NTNG2: variants seen among roughly 807,000 people sequenced by gnomAD.
NTNG2 encodes the protein netrin-G2.
Under a neutral mutation model 47.6 loss-of-function variants are expected in NTNG2, and 15 were observed. That is an observed-to-expected ratio of 0.32 (90% confidence interval 0.21 to 0.49). The LOEUF is 0.49. Ranked by LOEUF, NTNG2 falls within the 20% of genes least tolerant of loss-of-function variation. The pLI, the probability that NTNG2 is intolerant of heterozygous loss-of-function variation, is 0.99. For missense variants in NTNG2, 578 were observed against 764.6 expected, an observed-to-expected ratio of 0.76 and a Z score of 2.88; for synonymous variants, 307 against 324.6, an observed-to-expected ratio of 0.95 and a Z score of 0.58.
At chr9:132,225,837 C>T (rs74884392) in intron 3 of NTNG2, among the ~76,000 whole-genome samples, 3,447 of 152,272 alleles carry the variant, frequency 0.023, 132 homozygotes, top group African/African-American at 0.078. Flanking sequence ...CTCCACGCAA[C>T]TCATCTGTTG....
intron 3 of NTNG2, among the ~76,000 whole-genome samples, chr9:132,203,877 A>G (rs1838970787): frequency 6.6e-6 from 1 of 152,206 alleles, no homozygotes; most frequent in Admixed American, 6.5e-5. Flanking sequence ...CCAGGAAGGC[A>G]GCCCAGCGGG....
chr9:132,231,455 C>T lies in NTNG2; in HGVS notation c.1054+860C>T. 1 of 400,404 alleles carries T rather than the reference C, an allele frequency of 2.5e-6. No individual in the cohort carries two copies. Among genetic ancestry groups the T allele is most frequent in the Non-Finnish European group, 5.0e-6 (1 of 199,972 alleles). 24.8% of individuals were successfully genotyped at this position (400,404 alleles called of 1,614,324 possible). ...ACCAGGGCTCTGTGGGGCCCCACAT[C>T]CCACCCAAGTTGTCCCTCCCGGACC... is the stretch of plus-strand genomic sequence containing the variant. On this transcript the variant is annotated intron_variant, in intron 5 of 7. Coordinates refer to ENST00000393229, the MANE Select transcript of NTNG2 (RefSeq NM_032536.4). The surrounding 1 kb of genome is among the most constrained non-coding windows in gnomAD (Gnocchi z 4.1).
chr9:132,207,426 C>T (rs1420174856), intron 3 of NTNG2, among the ~76,000 whole-genome samples: 3 of 152,208 alleles, frequency 2.0e-5, no homozygotes, highest in Non-Finnish European at 2.9e-5. Context: ...TGCGTCACTC[C>T]AGTCTCTGCC....
rs1838418694 is a variant in NTNG2, at chr9:132,197,720, G to T, written c.214-246G>T. 6.6e-6 allele frequency among the ~76,000 whole-genome samples: 1 copy of T among 152,178 alleles called. No homozygotes were observed. The highest frequency in any genetic ancestry group is 2.4e-5 in the African/African-American group (1 of 41,434). On this transcript the variant is annotated intron_variant, in intron 2 of 7. Transcript: ENST00000393229. The surrounding 1 kb of genome is among the most constrained non-coding windows in gnomAD (Gnocchi z 4.3). ...CAGGGGACTAACACCCAGCCTTCTT[G>T]GTTGTCTGTATTTAGAGCAAGGACA...
chr9:132,235,483 T>A (rs1841553885), intron 5 of NTNG2, among the ~76,000 whole-genome samples: 1 of 151,942 alleles, frequency 6.6e-6, no homozygotes, highest in Non-Finnish European at 1.5e-5. Flanking sequence ...GCCTATGTAG[T>A]AGATTTGGAC....
chr9:132,226,958 T>A lies in NTNG2; in HGVS notation c.967T>A (p.Phe323Ile). 6.2e-7 allele frequency: 1 copy of A among 1,612,276 alleles called. No homozygotes were observed. Among genetic ancestry groups the A allele is most frequent in the East Asian group, 2.2e-5 (1 of 44,814 alleles). The part of the protein sequence containing the change: ...GPDCGKCKKN[F>I]RTRSWRAGSY... ...CGACTGCGGCAAGTGCAAGAAGAAT[T>A]TCCGCACCCGGTCCTGGCGGGCCGG... is the stretch of plus-strand genomic sequence containing the variant. Residue 323 changes from phenylalanine to isoleucine, a missense_variant, in exon 4 of 8, where the codon TTC becomes ATC. By Grantham distance (21) the Phe-to-Ile change is conservative. Coordinates refer to ENST00000393229, the MANE Select transcript of NTNG2 (RefSeq NM_032536.4). This position sits in a 1 kb window ranked among gnomAD's most constrained non-coding sequence, Gnocchi z 4.8.
chr9:132,224,434 T>TA (rs1322863992), intron 3 of NTNG2, among the ~76,000 whole-genome samples: 1 of 152,110 alleles, frequency 6.6e-6, no homozygotes, highest in Non-Finnish European at 1.5e-5. Context: ...TTCACCGCCC[T>TA]AAAAATCCCT....
At position 132,236,681 on chromosome 9, in the gene NTNG2, C is replaced by T. The variant is rs959620094; in HGVS notation, c.1055-2423C>T. On this transcript the variant is annotated intron_variant, in intron 5 of 7. Coordinates refer to ENST00000393229, the MANE Select transcript of NTNG2 (RefSeq NM_032536.4). The surrounding 1 kb of genome is among the most constrained non-coding windows in gnomAD (Gnocchi z 4.3). Reference sequence around the variant, plus strand: ...TCTGTGGTGATGGAGACAGAGCTGGCGGGAGCCATCGCTTCCCTACCCTGG... The same window carrying T: ...TCTGTGGTGATGGAGACAGAGCTGGTGGGAGCCATCGCTTCCCTACCCTGG... Among the ~76,000 whole-genome samples the T allele has an allele frequency of 6.6e-6, 1 of 152,212 alleles. No homozygotes were observed.
intron 5 of NTNG2, chr9:132,233,644 C>T (rs1226053407): frequency 6.6e-6 from 1 of 152,180 alleles, no homozygotes. Context: ...GGGCTCCTCC[C>T]TCCTCTTCAG....
chr9:132,223,940 C>T lies in NTNG2; in HGVS notation c.858-2909C>T, dbSNP rs536263147. Reference sequence around the variant, plus strand: ...CCCCCCAGCCTCATTGCAGACCTCACGGGTGGAACTTCTTTCAGCCCTAGG... The same window carrying T: ...CCCCCCAGCCTCATTGCAGACCTCATGGGTGGAACTTCTTTCAGCCCTAGG... On this transcript the variant is annotated intron_variant, in intron 3 of 7. Coordinates refer to ENST00000393229, the MANE Select transcript of NTNG2 (RefSeq NM_032536.4). 6.1e-4 allele frequency among the ~76,000 whole-genome samples: 92 copies of T among 151,914 alleles called. No homozygotes were observed. The South Asian group carries it at 0.013, about 21-fold the overall frequency.
chr9:132,177,446 C>T (rs1836552524), intron 2 of NTNG2, among the ~76,000 whole-genome samples: 1 of 152,116 alleles, frequency 6.6e-6, no homozygotes, highest in Non-Finnish European at 1.5e-5. Context: ...ATATCTAGGT[C>T]TTTGATCCAT....
intron 3 of NTNG2, among the ~76,000 whole-genome samples, chr9:132,223,804 C>T (rs1372965810): frequency 6.6e-6 from 1 of 152,198 alleles, no homozygotes; most frequent in Non-Finnish European, 1.5e-5. Flanking sequence ...AAACCAGTCT[C>T]CATGAAGCAG....
At position 132,226,793 on chromosome 9, in the gene NTNG2, C is replaced by T. The variant is rs980770714; in HGVS notation, c.858-56C>T. 1 of 1,464,220 alleles carries T rather than the reference C, an allele frequency of 6.8e-7. No homozygotes were observed. Among genetic ancestry groups the T allele is most frequent in the Non-Finnish European group, 9.1e-7 (1 of 1,096,072 alleles). 90.7% of individuals were successfully genotyped at this position (1,464,220 alleles called of 1,614,324 possible). Reference sequence around the variant, plus strand: ...GGGAGGCGCTCCTTTCCCCAGAGGCCAGGCCAGGCTGCCCACAAGCTCTCT... The same window carrying T: ...GGGAGGCGCTCCTTTCCCCAGAGGCTAGGCCAGGCTGCCCACAAGCTCTCT... On this transcript the variant is annotated intron_variant, in intron 3 of 7. Coordinates refer to ENST00000393229, the MANE Select transcript of NTNG2 (RefSeq NM_032536.4). The surrounding 1 kb of genome is among the most constrained non-coding windows in gnomAD (Gnocchi z 4.8).
At chr9:132,175,044 G>A (rs1836318701) in intron 2 of NTNG2, among the ~76,000 whole-genome samples, 5 of 152,162 alleles carry the variant, frequency 3.3e-5, no homozygotes, top group Non-Finnish European at 7.4e-5. Context: ...TCAGAAGTGG[G>A]TCTTGCAGGA....
chr9:132,230,669 G>A, intron 5 of NTNG2, 74 bp downstream of exon 5: 2 of 1,504,306 alleles, frequency 1.3e-6, no homozygotes, highest in South Asian at 1.2e-5. Flanking sequence ...GAAAAAGCTG[G>A]AGAGAAAAAA....
At chr9:132,227,942 C>T (rs1173447089) in intron 4 of NTNG2, among the ~76,000 whole-genome samples, 2 of 152,224 alleles carry the variant, frequency 1.3e-5, no homozygotes, top group East Asian at 3.8e-4. Context: ...TGGTTGGTGT[C>T]CGAGGCCCTC....
intron 2 of NTNG2, among the ~76,000 whole-genome samples, chr9:132,176,334 C>G (rs139948966): frequency 6.6e-6 from 1 of 152,212 alleles, no homozygotes; most frequent in African/African-American, 2.4e-5. Flanking sequence ...ACCCTGCACC[C>G]GTTAGTTACT....
chr9:132,237,522 G>C (rs181975610), intron 5 of NTNG2, among the ~76,000 whole-genome samples: 1 of 152,344 alleles, frequency 6.6e-6, no homozygotes, highest in East Asian at 1.9e-4. Flanking sequence ...AGAATTCCAA[G>C]GTAAGAGGAT....
rs1169193377 is a variant in NTNG2, at chr9:132,208,062, C to A, written c.857+9453C>A. ...AAGCCTGCAGTGAGTTATGACTGTGCTACTGCACTCCAGCCTGGGCAACAG... is the reference window on the plus strand; with the variant it reads ...AAGCCTGCAGTGAGTTATGACTGTGATACTGCACTCCAGCCTGGGCAACAG... On this transcript the variant is annotated intron_variant, in intron 3 of 7. Transcript: ENST00000393229. This position sits in a 1 kb window ranked among gnomAD's most constrained non-coding sequence, Gnocchi z 4.0. 2.0e-5 allele frequency among the ~76,000 whole-genome samples: 3 copies of A among 152,122 alleles called. No individual in the cohort carries two copies. The highest frequency in any genetic ancestry group is 7.2e-5 in the African/African-American group (3 of 41,410).
Sources: allele counts gnomAD v4.1 joint callset (sites outside exome capture counted in the v4.1 genomes callset), GRCh38; gene constraint gnomAD v4.1.1; non-coding constraint Gnocchi (gnomAD v3.1); transcripts MANE v1.5; gene names NCBI Gene and HGNC (gene_info 2026-07-23, HGNC 2026-07-21).